PLD5: variants seen among roughly 807,000 people sequenced by gnomAD.
PLD5 encodes phospholipase D family member 5, also known as inactive phospholipase D5.
Under a neutral mutation model 61.1 loss-of-function variants are expected in PLD5, and 36 were observed. That is an observed-to-expected ratio of 0.59 (90% confidence interval 0.45 to 0.78). PLD5 has a LOEUF of 0.78. Ranked by LOEUF, PLD5 falls within the 30% of genes least tolerant of loss-of-function variation. The pLI, the probability that PLD5 is intolerant of heterozygous loss-of-function variation, is 0.00. For missense variants in PLD5, 515 were observed against 644.4 expected (o/e 0.80, Z 2.17); for synonymous variants, 243 against 242.8 (o/e 1.00, Z -0.01).
At chr1:242,115,401 C>T (rs138054780) in intron 6 of PLD5, among the ~76,000 whole-genome samples, 1 of 152,088 alleles carries the variant, frequency 6.6e-6, no homozygotes, top group Admixed American at 6.5e-5. Flanking sequence ...TTCCCCACCC[C>T]CTCTTTCCCC....
intron 4 of PLD5, among the ~76,000 whole-genome samples, chr1:242,260,205 G>C (rs887542550): frequency 1.3e-5 from 2 of 152,078 alleles, no homozygotes; most frequent in Non-Finnish European, 2.9e-5. Context: ...AAATTAGCCA[G>C]GGCTGGTGTC....
At chr1:242,167,114 AT>A (rs1273666789) in intron 5 of PLD5, among the ~76,000 whole-genome samples, 4 of 136,966 alleles carry the variant, frequency 2.9e-5, no homozygotes, top group African/African-American at 9.4e-5. Context: ...AATAATAATA[AT>A]AAATAGTAGC....
chr1:242,235,069 G>A (rs1266179261), intron 4 of PLD5, among the ~76,000 whole-genome samples: 2 of 152,174 alleles, frequency 1.3e-5, no homozygotes, highest in Admixed American at 6.5e-5. Context: ...ATAGATTGAA[G>A]CACCTGCGTG....
chr1:242,149,418 G>A (rs4658425), intron 5 of PLD5, among the ~76,000 whole-genome samples: 53,053 of 151,382 alleles, frequency 0.35, 9,471 homozygotes, highest in African/African-American at 0.37. Flanking sequence ...CCATGTTTAT[G>A]ACAGATACTC....
chr1:242,276,410 G>GTATAGATTTGTATA (rs1674413011), intron 3 of PLD5, among the ~76,000 whole-genome samples: 1 of 25,604 alleles, frequency 3.9e-5, no homozygotes, highest in African/African-American at 7.8e-5. Context: ...TATACATATT[G>GTATAGATTTGTATA]TATACATTTG....
At chr1:242,455,337 T>G (rs985491555) in intron 1 of PLD5, among the ~76,000 whole-genome samples, 2 of 152,230 alleles carry the variant, frequency 1.3e-5, no homozygotes, top group African/African-American at 2.4e-5. Flanking sequence ...GATTTATACC[T>G]GAATTAAAAG....
chr1:242,513,181 T>G (rs1668992267), intron 1 of PLD5, among the ~76,000 whole-genome samples: 1 of 152,108 alleles, frequency 6.6e-6, no homozygotes, highest in Admixed American at 6.6e-5. Context: ...GCACTCAGCC[T>G]CCAGTGAATT....
intron 4 of PLD5, among the ~76,000 whole-genome samples, chr1:242,246,654 G>A (rs1262014938): frequency 6.6e-6 from 1 of 152,076 alleles, no homozygotes; most frequent in Non-Finnish European, 1.5e-5. Context: ...GTAGACTACT[G>A]CTTTTCACTT....
At chr1:242,339,157 T>C (rs1659694750) in intron 2 of PLD5, among the ~76,000 whole-genome samples, 4 of 152,268 alleles carry the variant, frequency 2.6e-5, no homozygotes, top group South Asian at 4.1e-4. Flanking sequence ...ATTATCTCAA[T>C]GAACACTATT....
At chr1:242,222,728 A>G (rs1477473350) in intron 4 of PLD5, among the ~76,000 whole-genome samples, 1 of 151,830 alleles carries the variant, frequency 6.6e-6, no homozygotes, top group Non-Finnish European at 1.5e-5. Flanking sequence ...CCCACACCCC[A>G]TCTACACTGC....
intron 2 of PLD5, among the ~76,000 whole-genome samples, chr1:242,296,236 T>G (rs1039147433): frequency 2.0e-4 from 31 of 152,224 alleles, no homozygotes; most frequent in Non-Finnish European, 4.0e-4. Context: ...TTGACCACTT[T>G]TTTCTTGTTG....
At chr1:242,189,536 A>C (rs1411628264) in intron 5 of PLD5, among the ~76,000 whole-genome samples, 1 of 151,916 alleles carries the variant, frequency 6.6e-6, no homozygotes, top group Non-Finnish European at 1.5e-5. Flanking sequence ...TTTATTGAGA[A>C]TCTTCCATGC....
intron 1 of PLD5, among the ~76,000 whole-genome samples, chr1:242,495,141 TA>T (rs1453420700): frequency 6.6e-6 from 1 of 152,114 alleles, no homozygotes; most frequent in Non-Finnish European, 1.5e-5. Flanking sequence ...TGACATAAAC[TA>T]GATTTTGCTT....
chr1:242,377,675 A>C (rs150312449), intron 1 of PLD5, among the ~76,000 whole-genome samples: 1 of 152,308 alleles, frequency 6.6e-6, no homozygotes, highest in African/African-American at 2.4e-5. Flanking sequence ...TAAAACAAAC[A>C]ACAAAAAATA....
intron 4 of PLD5, among the ~76,000 whole-genome samples, chr1:242,221,072 T>C (rs1361148529): frequency 1.3e-5 from 2 of 152,342 alleles, no homozygotes; most frequent in Admixed American, 1.3e-4. Flanking sequence ...AAATGCAACC[T>C]TGAATGGTTA....
At chr1:242,519,870 A>G (rs1195249662) in intron 1 of PLD5, among the ~76,000 whole-genome samples, 1 of 152,200 alleles carries the variant, frequency 6.6e-6, no homozygotes, top group East Asian at 1.9e-4. Context: ...GCTGATCTCA[A>G]ATTTGAAATC....
intron 1 of PLD5, among the ~76,000 whole-genome samples, chr1:242,377,591 C>T (rs371859579): frequency 1.2e-4 from 19 of 152,112 alleles, no homozygotes; most frequent in African/African-American, 4.6e-4. Flanking sequence ...CCCAGTACAA[C>T]CTCACATAGG....
At chr1:242,395,008 T>TATATATGAATATATATGTATATATGA (rs1663446701) in intron 1 of PLD5, among the ~76,000 whole-genome samples, 3 of 107,980 alleles carry the variant, frequency 2.8e-5, no homozygotes, top group African/African-American at 1.1e-4. Flanking sequence ...TATATATGAA[T>TATATATGAATATATATGTATATATGA]ATATATGAAT....
chr1:242,193,481 G>A (rs549163173), intron 5 of PLD5, among the ~76,000 whole-genome samples: 11 of 152,298 alleles, frequency 7.2e-5, no homozygotes, highest in African/African-American at 2.2e-4. Flanking sequence ...ACTTCTCCAC[G>A]GAGGGGTTCC....
Sources: allele counts gnomAD v4.1 joint callset (sites outside exome capture counted in the v4.1 genomes callset), GRCh38; gene constraint gnomAD v4.1.1; transcripts MANE v1.5; gene names NCBI Gene and HGNC (gene_info 2026-07-23, HGNC 2026-07-21).